Variants in ATP2A2 observed in about 807,000 individuals in gnomAD.
ATP2A2 encodes sarcoplasmic/endoplasmic reticulum calcium ATPase 2.
A neutral mutation model predicts 109.3 loss-of-function variants in ATP2A2; 14 were observed. The ratio of observed to expected loss-of-function variants is 0.13; its 90% CI spans 0.08 to 0.20. The LOEUF is 0.20. Among genes scored for constraint, ATP2A2 ranks in the 10% least tolerant of loss-of-function variants. The probability of loss-of-function intolerance (pLI) is 1.00; values close to 1 mark genes in which losing one functional copy is unlikely to be tolerated. For synonymous variants in ATP2A2, 506 were observed against 490.9 expected (o/e 1.03, Z -0.41); for missense variants, 657 against 1,321.6 (o/e 0.50, Z 7.80).
At position 110,347,908 on chromosome 12, in the gene ATP2A2, C is replaced by A; in HGVS notation, c.*1438C>A. The A allele has an allele frequency of 1.0e-6, 1 of 991,736 alleles. No homozygotes were observed. The allele number at this position is 991,736 out of a possible 1,614,324, so 61.4% of individuals were successfully genotyped here. A position where few individuals can be genotyped will look rare whatever the true frequency, so the allele number is the denominator to read the frequency against. On this transcript the variant is annotated 3_prime_UTR_variant, in exon 20 of 20. Transcript: ENST00000539276. ...CTCCATGGCAGATGCTGCTGTGCTC[C>A]CTGATGCCCTGTGAGCACCGGGGTT...
chr12:110,293,871 T>TATATATA (rs1491495436), intron 4 of ATP2A2, among the ~76,000 whole-genome samples: 4 of 79,504 alleles, frequency 5.0e-5, no homozygotes, highest in African/African-American at 2.3e-4. Flanking sequence ...TGTGTATATA[T>TATATATA]TTTTTTTTTT....
At chr12:110,316,444 G>C (rs1876676828) in intron 5 of ATP2A2, among the ~76,000 whole-genome samples, 1 of 152,146 alleles carries the variant, frequency 6.6e-6, no homozygotes, top group Admixed American at 6.6e-5. Flanking sequence ...TATCTCTTTG[G>C]ACCCTGATTT....
intron 3 of ATP2A2, 109 bp downstream of exon 3, chr12:110,282,904 A>G (rs944905481): frequency 1.0e-6 from 1 of 962,492 alleles, no homozygotes; most frequent in Non-Finnish European, 1.6e-6. Context: ...TGGAGTTGCA[A>G]GCTGTGTCTC....
Position 110,347,687 on chromosome 12 carries a change from A to G in ATP2A2, c.*1217A>G. 8.5e-7 allele frequency: 1 copy of G among 1,172,710 alleles called. No homozygotes were observed. Among genetic ancestry groups the G allele is most frequent in the Non-Finnish European group, 1.1e-6 (1 of 933,318 alleles). The allele number at this position is 1,172,710 out of a possible 1,614,324, so 72.6% of individuals were successfully genotyped here. On this transcript the variant is annotated 3_prime_UTR_variant, in exon 20 of 20. Coordinates refer to ENST00000539276, the MANE Select transcript of ATP2A2 (RefSeq NM_170665.4). ...AACCACCACCACCGTTACTACGATC[A>G]ATGTTTGCGCATGTTCGAGATGAGT...
At chr12:110,292,803 C>T (rs977883861) in intron 4 of ATP2A2, among the ~76,000 whole-genome samples, 3 of 152,042 alleles carry the variant, frequency 2.0e-5, no homozygotes, top group African/African-American at 7.2e-5. Flanking sequence ...ATTGTTCATT[C>T]TTTACGGTAG....
In ATP2A2 at chr12:110,339,026, T is replaced by TTTAC. The variant is rs1178109692; in HGVS notation, c.1420-254_1420-253insTACT. Among the ~76,000 whole-genome samples, 2 of 152,186 alleles carry TTTAC rather than the reference T, an allele frequency of 1.3e-5. No homozygotes were observed. Among genetic ancestry groups the TTTAC allele is most frequent in the Non-Finnish European group, 2.9e-5 (2 of 68,038 alleles). ...CAAATGTCACCGCCTTCTGGCCACTTTATGTAACAGTTCATATGTATGTAT... is the reference window on the plus strand; with the variant it reads ...CAAATGTCACCGCCTTCTGGCCACTTTTACTATGTAACAGTTCATATGTATGTAT... On this transcript the variant is annotated intron_variant, in intron 11 of 19. Coordinates refer to ENST00000539276, the MANE Select transcript of ATP2A2 (RefSeq NM_170665.4). This position sits in a 1 kb window ranked among gnomAD's most constrained non-coding sequence, Gnocchi z 4.4.
chr12:110,300,075 AGTCT>A (rs1178008364), intron 5 of ATP2A2, among the ~76,000 whole-genome samples: 3 of 148,446 alleles, frequency 2.0e-5, no homozygotes, highest in African/African-American at 7.6e-5. Flanking sequence ...TCCTTCCGTC[AGTCT>A]GTCCGTCCGT....
intron 4 of ATP2A2, among the ~76,000 whole-genome samples, chr12:110,293,934 T>A (rs1052371413): frequency 7.0e-6 from 1 of 142,662 alleles, no homozygotes; most frequent in African/African-American, 2.6e-5. Flanking sequence ...TGGAGTGCAG[T>A]GGTGTGATTT....
chr12:110,326,990 G>A (rs1877870791), intron 7 of ATP2A2, among the ~76,000 whole-genome samples: 1 of 152,194 alleles, frequency 6.6e-6, no homozygotes, highest in Non-Finnish European at 1.5e-5. Context: ...ACATTTGTGG[G>A]TTTGTATGAG....
intron 18 of ATP2A2, 56 bp downstream of exon 18, chr12:110,345,438 G>C (rs1879753964): frequency 1.9e-6 from 3 of 1,608,212 alleles, no homozygotes; most frequent in Non-Finnish European, 2.6e-6. Context: ...AGGGCACCGG[G>C]GAATTGTGTG....
rs1255773441 is a variant in ATP2A2 at position 110,346,834 on chromosome 12, G to A, written c.*364G>A. On this transcript the variant is annotated 3_prime_UTR_variant, in exon 20 of 20. Transcript: ENST00000539276. ...GCAGCAGATTTTAGGAAATGAATGT[G>A]TGTGGTTTTTTTTCTAAAACTAAAT... 3 of 1,124,610 alleles carry A rather than the reference G, an allele frequency of 2.7e-6. No homozygotes were observed. Among genetic ancestry groups the A allele is most frequent in the Non-Finnish European group, 3.3e-6 (3 of 913,988 alleles). The allele number at this position is 1,124,610 out of a possible 1,614,324, so 69.7% of individuals were successfully genotyped here.
At position 110,342,650 on chromosome 12, in the gene ATP2A2, G is replaced by A. The variant is rs555015705; in HGVS notation, c.2318+202G>A. ...GAGGGTTGTCTGCAGCTGCCCCAAT[G>A]TGCAAAGAATCCTCTTTAACGTGAG... On this transcript the variant is annotated intron_variant, in intron 15 of 19. Coordinates refer to ENST00000539276, the MANE Select transcript of ATP2A2 (RefSeq NM_170665.4). The surrounding 1 kb of genome is among the most constrained non-coding windows in gnomAD (Gnocchi z 4.6). 6.6e-6 allele frequency among the ~76,000 whole-genome samples: 1 copy of A among 152,294 alleles called. No individual in the cohort carries two copies. Among genetic ancestry groups the A allele is most frequent in the Admixed American group, 6.5e-5 (1 of 15,290 alleles).
At chr12:110,345,925 C>A in intron 18 of ATP2A2, 76 bp from the exon 19 acceptor site, 1 of 1,413,378 alleles carries the variant, frequency 7.1e-7, no homozygotes, top group Non-Finnish European at 1.0e-6. Context: ...GAAGTGTAGT[C>A]CAACAGGGTC....
chr12:110,326,122 A>C, intron 6 of ATP2A2: 1 of 512,100 alleles, frequency 2.0e-6, no homozygotes, highest in Non-Finnish European at 3.5e-6. Context: ...TAGTTACTCC[A>C]GAAAATAATC....
chr12:110,316,094 A>G (rs1876641095), intron 5 of ATP2A2, among the ~76,000 whole-genome samples: 1 of 152,234 alleles, frequency 6.6e-6, no homozygotes, highest in Non-Finnish European at 1.5e-5. Context: ...CTCAAAAAGT[A>G]AAATAAAATA....
intron 10 of ATP2A2, 103 bp downstream of exon 10, chr12:110,333,386 G>T: frequency 1.3e-5 from 15 of 1,135,442 alleles, no homozygotes; most frequent in Non-Finnish European, 2.0e-5. Flanking sequence ...AAAGTCAAGG[G>T]TGCCTGATTT....
intron 7 of ATP2A2, among the ~76,000 whole-genome samples, 190 bp downstream of exon 7, chr12:110,326,665 T>G (rs1877834215): frequency 6.6e-6 from 1 of 152,202 alleles, no homozygotes; most frequent in Non-Finnish European, 1.5e-5. Context: ...TTGGCAAGTT[T>G]TGGGGGACCA....
intron 4 of ATP2A2, among the ~76,000 whole-genome samples, chr12:110,292,818 G>T (rs2137705664): frequency 6.6e-6 from 1 of 152,244 alleles, no homozygotes; most frequent in East Asian, 1.9e-4. Context: ...CGGTAGCAAG[G>T]AATTAAAATG....
In ATP2A2 at chr12:110,327,372, G is replaced by A. The variant is rs1490878377; in HGVS notation, c.631-181G>A. The stretch of plus-strand genomic sequence containing the variant: ...GTCAGTACAGAGCTGCCTGACATAA[G>A]TAAGTAGCACATGGAGCATTGCTTG... On this transcript the variant is annotated intron_variant, in intron 7 of 19. Transcript: ENST00000539276. The surrounding 1 kb of genome is among the most constrained non-coding windows in gnomAD (Gnocchi z 4.4). 6.6e-6 allele frequency among the ~76,000 whole-genome samples: 1 copy of A among 152,222 alleles called. No homozygotes were observed. The highest frequency in any genetic ancestry group is 1.5e-5 in the Non-Finnish European group (1 of 68,044).
Sources: allele counts gnomAD v4.1 joint callset (sites outside exome capture counted in the v4.1 genomes callset), GRCh38; gene constraint gnomAD v4.1.1; non-coding constraint Gnocchi (gnomAD v3.1); transcripts MANE v1.5; gene names NCBI Gene and HGNC (gene_info 2026-07-23, HGNC 2026-07-21).